The following SLC4A4 variants were observed in gnomAD, a reference collection of about 807,000 sequenced individuals.
SLC4A4 encodes the protein solute carrier family 4 member 4, also known as electrogenic sodium bicarbonate cotransporter 1.
SLC4A4 carries 27 observed loss-of-function variants against 111.5 expected under a neutral mutation model. The observed-to-expected ratio is 0.24, with a 90% CI of 0.18 to 0.33. The LOEUF is 0.33. Among genes scored for constraint, SLC4A4 ranks in the 10% least tolerant of loss-of-function variants. The probability of loss-of-function intolerance (pLI) is 1.00; values close to 1 mark genes in which losing one functional copy is unlikely to be tolerated. For synonymous variants in SLC4A4, 443 were observed against 463.4 expected (o/e 0.96, Z 0.57); for missense variants, 909 against 1,315.5 (o/e 0.69, Z 4.78).
At chr4:71,261,724 A>G (rs1002417088) in intron 3 of SLC4A4, among the ~76,000 whole-genome samples, 19 of 152,154 alleles carry the variant, frequency 1.2e-4, no homozygotes, top group Admixed American at 6.5e-5. Flanking sequence ...CAGATTTTAC[A>G]CTATTCATTT....
intron 7 of SLC4A4, among the ~76,000 whole-genome samples, chr4:71,425,757 T>A (rs1723065012): frequency 6.6e-6 from 1 of 151,916 alleles, no homozygotes; most frequent in Non-Finnish European, 1.5e-5. Flanking sequence ...AGATTGGCAG[T>A]TGGTTGAAAG....
chr4:71,465,147 AT>A (rs891467881), intron 12 of SLC4A4, among the ~76,000 whole-genome samples: 11 of 151,986 alleles, frequency 7.2e-5, no homozygotes, highest in African/African-American at 1.9e-4. Flanking sequence ...TAAAAGGCTT[AT>A]TTTATGTGGC....
chr4:71,558,647 C>A (rs1312450001), intron 22 of SLC4A4, among the ~76,000 whole-genome samples: 1 of 151,898 alleles, frequency 6.6e-6, no homozygotes, highest in Non-Finnish European at 1.5e-5. Context: ...TTATCTCCCC[C>A]ACAGCTTTGA....
intron 16 of SLC4A4, among the ~76,000 whole-genome samples, chr4:71,512,938 C>CT (rs1343689991): frequency 6.6e-6 from 1 of 152,024 alleles, no homozygotes; most frequent in Admixed American, 6.6e-5. Flanking sequence ...GATCAGTTAG[C>CT]TGTAAGTGTA....
At chr4:71,463,924 C>T (rs898778387) in intron 12 of SLC4A4, among the ~76,000 whole-genome samples, 2 of 152,094 alleles carry the variant, frequency 1.3e-5, no homozygotes, top group Non-Finnish European at 2.9e-5. Context: ...GCTCTTTTCC[C>T]CTTTATATTC....
At chr4:71,562,507 C>T (rs1297090545) in intron 23 of SLC4A4, among the ~76,000 whole-genome samples, 1 of 151,534 alleles carries the variant, frequency 6.6e-6, no homozygotes, top group African/African-American at 2.4e-5. Flanking sequence ...TTATGTAATG[C>T]CCTTCTTTGT....
intron 16 of SLC4A4, among the ~76,000 whole-genome samples, chr4:71,511,072 T>C (rs1731870506): frequency 6.6e-6 from 1 of 152,156 alleles, no homozygotes; most frequent in South Asian, 2.1e-4. Context: ...TATATATCCC[T>C]GAACAAATTA....
intron 12 of SLC4A4, among the ~76,000 whole-genome samples, chr4:71,457,938 C>G (rs1428159152): frequency 6.6e-6 from 1 of 152,102 alleles, no homozygotes; most frequent in African/African-American, 2.4e-5. Flanking sequence ...TAATACAATG[C>G]AAATACTATG....
chr4:71,301,737 G>A (rs1392695520), intron 3 of SLC4A4, among the ~76,000 whole-genome samples: 1 of 152,224 alleles, frequency 6.6e-6, no homozygotes, highest in African/African-American at 2.4e-5. Flanking sequence ...TACAGCTGAT[G>A]TCTTCAGTTT....
At chr4:71,337,568 A>G (rs1273928522) in intron 3 of SLC4A4, among the ~76,000 whole-genome samples, 2 of 152,028 alleles carry the variant, frequency 1.3e-5, no homozygotes, top group African/African-American at 4.8e-5. Context: ...CTGTCACTAA[A>G]CCTTTGAGAT....
intron 18 of SLC4A4, among the ~76,000 whole-genome samples, chr4:71,534,802 A>G (rs1734266976): frequency 6.6e-6 from 1 of 152,166 alleles, no homozygotes; most frequent in African/African-American, 2.4e-5. Context: ...CAGATAGTTC[A>G]TGGTTGTAAG....
chr4:71,256,822 C>T (rs1321522861), intron 3 of SLC4A4, among the ~76,000 whole-genome samples: 1 of 152,166 alleles, frequency 6.6e-6, no homozygotes, highest in Non-Finnish European at 1.5e-5. Flanking sequence ...TCTGTCAAGG[C>T]CTGAGCCAGT....
chr4:71,483,294 A>C (rs545637714), intron 14 of SLC4A4, among the ~76,000 whole-genome samples: 1 of 151,718 alleles, frequency 6.6e-6, no homozygotes, highest in Non-Finnish European at 1.5e-5. Context: ...AGTACCCATT[A>C]GTTGTTTTTC....
intron 20 of SLC4A4, among the ~76,000 whole-genome samples, chr4:71,549,849 C>G (rs1735837791): frequency 6.6e-6 from 1 of 151,848 alleles, no homozygotes; most frequent in Non-Finnish European, 1.5e-5. Flanking sequence ...GGAGTTAAAG[C>G]TGAAAGTTCT....
intron 16 of SLC4A4, among the ~76,000 whole-genome samples, chr4:71,521,193 A>G (rs931072935): frequency 6.6e-6 from 1 of 152,142 alleles, no homozygotes; most frequent in Non-Finnish European, 1.5e-5. Context: ...AACATCACCT[A>G]TCCTTAGGGC....
intron 14 of SLC4A4, among the ~76,000 whole-genome samples, chr4:71,477,939 C>T (rs532946119): frequency 1.8e-3 from 271 of 151,802 alleles, no homozygotes; most frequent in Non-Finnish European, 1.6e-3. Flanking sequence ...ACAAACAATC[C>T]CATCAAAAAG....
At chr4:71,114,030 G>C (rs1458667763) in intron 2 of SLC4A4, among the ~76,000 whole-genome samples, 1 of 152,004 alleles carries the variant, frequency 6.6e-6, no homozygotes, top group Non-Finnish European at 1.5e-5. Flanking sequence ...GGCGGATCAC[G>C]AGGTCAGGAG....
intron 2 of SLC4A4, among the ~76,000 whole-genome samples, chr4:71,152,437 C>G (rs1299781356): frequency 6.6e-6 from 1 of 152,082 alleles, no homozygotes; most frequent in Non-Finnish European, 1.5e-5. Context: ...TTCTATGAGA[C>G]TTAGTTCTTT....
intron 2 of SLC4A4, among the ~76,000 whole-genome samples, chr4:71,155,199 G>T (rs939846497): frequency 6.6e-6 from 1 of 152,096 alleles, no homozygotes; most frequent in Non-Finnish European, 1.5e-5. Flanking sequence ...TCTACTTCTG[G>T]TGTATAATAA....
Sources: gnomAD v4.1 joint callset for allele counts (sites outside exome capture counted in the v4.1 genomes callset) on GRCh38, gnomAD v4.1.1 for gene constraint, MANE v1.5 for transcripts, NCBI Gene and HGNC (gene_info 2026-07-23, HGNC 2026-07-21) for gene names.